Variants in SLC37A1 observed in about 807,000 individuals in gnomAD.
SLC37A1 encodes solute carrier family 37 member 1, also known as glucose-6-phosphate exchanger SLC37A1.
In SLC37A1, 49 loss-of-function variants were observed where a neutral mutation model predicts 75.3. The ratio of observed to expected loss-of-function variants is 0.65; its 90% CI spans 0.52 to 0.83. The LOEUF is 0.83. Ranked by LOEUF, SLC37A1 falls within the 40% of genes least tolerant of loss-of-function variation. The pLI is 0.00. For missense variants in SLC37A1, 566 were observed against 695.0 expected, an observed-to-expected ratio of 0.81 and a Z score of 2.09; for synonymous variants, 268 against 292.1, an observed-to-expected ratio of 0.92 and a Z score of 0.84.
intron 3 of SLC37A1, among the ~76,000 whole-genome samples, chr21:42,529,569 AAAT>A (rs2054890287): frequency 6.6e-6 from 1 of 152,228 alleles, no homozygotes; most frequent in Non-Finnish European, 1.5e-5. Context: ...AAGTAAAATA[AAAT>A]AAATGGATTA....
chr21:42,580,291 T>G (rs935986728), intron 19 of SLC37A1, 54 bp from the exon 20 acceptor site: 1 of 1,594,102 alleles, frequency 6.3e-7, no homozygotes, highest in African/African-American at 1.3e-5. Flanking sequence ...TCAGCATCTC[T>G]TGCTGAGCCA....
intron 1 of SLC37A1, among the ~76,000 whole-genome samples, chr21:42,500,206 G>A (rs937943690): frequency 1.3e-5 from 2 of 152,156 alleles, no homozygotes; most frequent in Admixed American, 1.3e-4. Flanking sequence ...TTGTTTATTA[G>A]AATAATTGTA....
chr21:42,547,298 G>T lies in SLC37A1; in HGVS notation c.768+158G>T. On this transcript the variant is annotated intron_variant, in intron 9 of 19. Transcript: ENST00000352133. The surrounding 1 kb of genome is among the most constrained non-coding windows in gnomAD (Gnocchi z 6.1). ...CAGTTCTAGGAATAGAGAATATTCT[G>T]TTTTGGGTTTCGCTGATAATAACCT... 1.3e-6 allele frequency: 1 copy of T among 781,386 alleles called. No individual in the cohort carries two copies. 48.4% of individuals were successfully genotyped at this position (781,386 alleles called of 1,614,324 possible). A position where few individuals can be genotyped will look rare whatever the true frequency, so the allele number is the denominator to read the frequency against.
intron 3 of SLC37A1, among the ~76,000 whole-genome samples, chr21:42,534,412 T>C (rs2055078051): frequency 6.6e-6 from 1 of 152,200 alleles, no homozygotes; most frequent in Non-Finnish European, 1.5e-5. Context: ...GAACTAAAAC[T>C]GCTCCCGAGG....
chr21:42,512,837 TAGAAACAAAGC>T (rs1413112098), upstream of SLC37A1, among the ~76,000 whole-genome samples: 1 of 152,200 alleles, frequency 6.6e-6, no homozygotes, highest in African/African-American at 2.4e-5. Context: ...CAGAGTGTTC[TAGAAACAAAGC>T]AGGGCCCCAG....
chr21:42,559,428 A>T (rs1273882400), intron 11 of SLC37A1, among the ~76,000 whole-genome samples: 1 of 152,246 alleles, frequency 6.6e-6, no homozygotes, highest in African/African-American at 2.4e-5. Context: ...TGGGGAACTG[A>T]GGCCCTGACT....
chr21:42,576,528 A>G (rs542266257), intron 18 of SLC37A1, among the ~76,000 whole-genome samples: 34 of 152,364 alleles, frequency 2.2e-4, no homozygotes, highest in Non-Finnish European at 4.4e-4. Context: ...AGCAATCCAC[A>G]TTGAATGACA....
chr21:42,517,675 C>G (rs1330612054), intron 1 of SLC37A1, among the ~76,000 whole-genome samples: 1 of 152,188 alleles, frequency 6.6e-6, no homozygotes, highest in Non-Finnish European at 1.5e-5. Flanking sequence ...CTATATTGCT[C>G]TGCCTTCAGC....
chr21:42,559,151 G>A (rs2055763313), intron 11 of SLC37A1, 62 bp downstream of exon 11: 1 of 1,564,980 alleles, frequency 6.4e-7, no homozygotes, highest in South Asian at 1.2e-5. Context: ...TGGGAAGTCT[G>A]GTCGGTTGAT....
upstream of SLC37A1, among the ~76,000 whole-genome samples, chr21:42,510,246 T>C (rs1457234410): frequency 6.6e-6 from 1 of 152,168 alleles, no homozygotes; most frequent in Admixed American, 6.5e-5. Flanking sequence ...CAGGATAGTC[T>C]CGATCTCCTG....
intron 3 of SLC37A1, 106 bp from the exon 4 acceptor site, chr21:42,534,592 G>A: frequency 7.1e-7 from 1 of 1,414,412 alleles, no homozygotes; most frequent in Non-Finnish European, 9.5e-7. Flanking sequence ...AGGTGCCCTG[G>A]GCAGGCTGCT....
chr21:42,542,497 C>T lies in SLC37A1; in HGVS notation c.563+17C>T, dbSNP rs747477092. 1 of 1,613,670 alleles carries T rather than the reference C, an allele frequency of 6.2e-7. No individual in the cohort carries two copies. On this transcript the variant is annotated intron_variant, in intron 7 of 19. Transcript: ENST00000352133. ...AAAAGGAAGGTGAGAAAAAGCAGCC[C>T]TGTTTCCAATAGCAGATGAAAACTA...
At chr21:42,543,708 G>C in intron 8 of SLC37A1, 106 bp downstream of exon 8, 2 of 1,172,870 alleles carry the variant, frequency 1.7e-6, no homozygotes, top group African/African-American at 1.5e-5. Flanking sequence ...CTAGCGCCCT[G>C]TTTGCCCGTG....
At chr21:42,579,584 G>T in intron 18 of SLC37A1, 152 bp from the exon 19 acceptor site, 1 of 262,042 alleles carries the variant, frequency 3.8e-6, no homozygotes, top group Non-Finnish European at 6.8e-6. Flanking sequence ...TGCAAGCCCC[G>T]CTGCTCTTGC....
At chr21:42,570,902 C>T (rs1194101161) in intron 17 of SLC37A1, among the ~76,000 whole-genome samples, 1 of 152,170 alleles carries the variant, frequency 6.6e-6, no homozygotes, top group African/African-American at 2.4e-5. Flanking sequence ...GTGGCACACA[C>T]ACCGGACCCC....
At position 42,522,135 on chromosome 21, in the gene SLC37A1, G is replaced by A. The variant is rs538982951; in HGVS notation, c.56+3625G>A. On this transcript the variant is annotated intron_variant, in intron 2 of 19. Transcript: ENST00000352133. ...CTTCTGGTGAGGACGCCAGTCATTG[G>A]AATGAGGGCTCACTCTATCTAATAT... 1.3e-4 allele frequency among the ~76,000 whole-genome samples: 20 copies of A among 152,300 alleles called. No homozygotes were observed. The South Asian group carries it at 3.3e-3, about 25-fold the overall frequency.
chr21:42,568,479 G>C (rs758650141), intron 17 of SLC37A1, 41 bp downstream of exon 17: 4 of 1,583,112 alleles, frequency 2.5e-6, no homozygotes, highest in Admixed American at 1.7e-5. Flanking sequence ...TGGTGTCTTA[G>C]GGGAAATCAC....
At position 42,540,021 on chromosome 21, in the gene SLC37A1, G is replaced by C. The variant is rs1601710510; in HGVS notation, c.486+374G>C. Among the ~76,000 whole-genome samples, 3 of 151,888 alleles carry C rather than the reference G, an allele frequency of 2.0e-5. No individual in the cohort carries two copies. In the South Asian group the frequency reaches 6.3e-4, roughly 32 times the overall value. On this transcript the variant is annotated intron_variant, in intron 6 of 19. Coordinates refer to ENST00000352133, the MANE Select transcript of SLC37A1 (RefSeq NM_001320537.2). ...GGTGTGTCCTCCAGCTGAAGCCCCA[G>C]CTGCAGTCACCCTAACAGCGGTGGC...
At chr21:42,579,485 C>A (rs1375393344) in intron 18 of SLC37A1, among the ~76,000 whole-genome samples, 1 of 30,796 alleles carries the variant, frequency 3.2e-5, no homozygotes, top group East Asian at 2.7e-4. Flanking sequence ...GTTTTCAGGG[C>A]AGCTCCTGGT....
Sources: gnomAD v4.1 joint callset for allele counts (sites outside exome capture counted in the v4.1 genomes callset) on GRCh38, gnomAD v4.1.1 for gene constraint, Gnocchi (gnomAD v3.1) non-coding constraint, MANE v1.5 for transcripts, NCBI Gene and HGNC (gene_info 2026-07-23, HGNC 2026-07-21) for gene names.